Variants in EPM2A observed in about 807,000 individuals in gnomAD.
EPM2A encodes laforin.
Under a neutral mutation model 26.5 loss-of-function variants are expected in EPM2A, and 21 were observed. That is an observed-to-expected ratio of 0.79 (90% CI 0.56 to 1.14). The LOEUF (loss-of-function observed/expected upper bound fraction) is 1.14, where lower values mean the gene tolerates loss of function less well. EPM2A is among the 50% of genes most tolerant of loss of function. The probability of loss-of-function intolerance (pLI) is 0.00; values close to 1 mark genes in which losing one functional copy is unlikely to be tolerated. For missense variants in EPM2A, 458 were observed against 440.8 expected (o/e 1.04, Z -0.35); for synonymous variants, 217 against 177.6 (o/e 1.22, Z -1.76).
intron 2 of EPM2A, among the ~76,000 whole-genome samples, chr6:145,565,656 G>A (rs1562384601): frequency 6.6e-6 from 1 of 152,206 alleles, no homozygotes; most frequent in Non-Finnish European, 1.5e-5. Context: ...AAAGTCCTGA[G>A]TGAGGATGAG....
rs1309148714 is a variant in EPM2A at position 145,502,565 on chromosome 6, CCTCTT to C, written c.346_350del (p.Lys116AspfsTer3). 6.4e-6 allele frequency: 3 copies of C among 470,882 alleles called. No individual in the cohort carries two copies. The allele number at this position is 470,882 out of a possible 1,614,324, so 29.2% of individuals were successfully genotyped here. On this transcript the variant is annotated frameshift_variant, in exon 3 of 4. Transcript: ENST00000450221. LOFTEE classifies it high-confidence loss of function. ...TCCCCGAGCAGCACATGTCAGCTGTCCTCTTCTCATCTGGAAAAAGGAGGAGAGGA... is the reference window on the plus strand; with the variant it reads ...TCCCCGAGCAGCACATGTCAGCTGTCCTCATCTGGAAAAAGGAGGAGAGGA...
intron 2 of EPM2A, among the ~76,000 whole-genome samples, chr6:145,579,143 A>G (rs1415352249): frequency 7.8e-6 from 1 of 129,028 alleles, no homozygotes; most frequent in Non-Finnish European, 1.7e-5. Flanking sequence ...CTAAAACTTA[A>G]AAGTATAATA....
intron 2 of EPM2A, among the ~76,000 whole-genome samples, chr6:145,606,169 A>G (rs983631157): frequency 2.6e-5 from 4 of 152,126 alleles, no homozygotes; most frequent in Non-Finnish European, 5.9e-5. Context: ...GAAGGAAAAA[A>G]AACACAATTG....
At chr6:145,397,893 A>T (rs1304210150) in intron 4 of EPM2A, among the ~76,000 whole-genome samples, 1 of 152,176 alleles carries the variant, frequency 6.6e-6, no homozygotes, top group African/African-American at 2.4e-5. Flanking sequence ...CCAAGGAAAG[A>T]CAACCACAGT....
At chr6:145,486,396 G>A (rs1184019239) in intron 4 of EPM2A, among the ~76,000 whole-genome samples, 1 of 152,142 alleles carries the variant, frequency 6.6e-6, no homozygotes, top group Non-Finnish European at 1.5e-5. Context: ...TACTAGAGTA[G>A]ATCACATTAA....
At chr6:145,464,306 C>T (rs1237005552) in intron 4 of EPM2A, among the ~76,000 whole-genome samples, 1 of 152,148 alleles carries the variant, frequency 6.6e-6, no homozygotes, top group Non-Finnish European at 1.5e-5. Flanking sequence ...CCTCCCCAGC[C>T]ATGCAGAGCT....
chr6:145,522,109 C>T (rs530900948), intron 2 of EPM2A, among the ~76,000 whole-genome samples: 7 of 152,260 alleles, frequency 4.6e-5, no homozygotes, highest in South Asian at 2.1e-4. Flanking sequence ...CCCATCACCA[C>T]GCCCAGCCAT....
At chr6:145,525,215 T>TTTTATTTATTTA (rs71552932) in intron 2 of EPM2A, among the ~76,000 whole-genome samples, 174 of 147,076 alleles carry the variant, frequency 1.2e-3, no homozygotes, top group African/African-American at 1.8e-3. Context: ...ATGCCTTCAA[T>TTTTATTTATTTA]TTTATTTATT....
At chr6:145,478,192 A>G (rs2114731002) in intron 4 of EPM2A, among the ~76,000 whole-genome samples, 1 of 152,052 alleles carries the variant, frequency 6.6e-6, no homozygotes, top group African/African-American at 2.4e-5. Context: ...AGCCACACAT[A>G]AAATTAAATA....
chr6:145,480,839 G>A (rs1311516673), intron 4 of EPM2A, among the ~76,000 whole-genome samples: 1 of 151,996 alleles, frequency 6.6e-6, no homozygotes, highest in Non-Finnish European at 1.5e-5. Context: ...GGGTTTAAAT[G>A]TATTAGCAAT....
chr6:145,598,703 T>C (rs755505513), intron 2 of EPM2A, among the ~76,000 whole-genome samples: 4 of 152,198 alleles, frequency 2.6e-5, no homozygotes, highest in Non-Finnish European at 4.4e-5. Context: ...CAGGATGGTA[T>C]TGCCTAGGTT....
At chr6:145,680,742 T>A (rs1210129254) in intron 2 of EPM2A, among the ~76,000 whole-genome samples, 1 of 152,212 alleles carries the variant, frequency 6.6e-6, no homozygotes, top group Admixed American at 6.5e-5. Context: ...TATGGCTGCA[T>A]AGTATTCCAT....
intron 2 of EPM2A, among the ~76,000 whole-genome samples, chr6:145,527,423 A>G (rs1780291382): frequency 6.6e-6 from 1 of 152,114 alleles, no homozygotes; most frequent in African/African-American, 2.4e-5. Flanking sequence ...GGCTTTCTAC[A>G]TATTTTCATA....
chr6:145,471,422 C>A (rs1376990925), intron 4 of EPM2A, among the ~76,000 whole-genome samples: 1 of 152,128 alleles, frequency 6.6e-6, no homozygotes, highest in Non-Finnish European at 1.5e-5. Flanking sequence ...ACTATCTACA[C>A]AGGAAAAACA....
At chr6:145,651,071 A>G (rs920604182) in intron 2 of EPM2A, among the ~76,000 whole-genome samples, 3 of 152,228 alleles carry the variant, frequency 2.0e-5, no homozygotes, top group Non-Finnish European at 4.4e-5. Flanking sequence ...GATTTTATTC[A>G]ATATGAATAG....
chr6:145,517,074 T>C (rs1780138308), intron 2 of EPM2A, among the ~76,000 whole-genome samples: 1 of 152,176 alleles, frequency 6.6e-6, no homozygotes, highest in Non-Finnish European at 1.5e-5. Context: ...GAAGATATTA[T>C]GTTAAGTGAA....
intron 4 of EPM2A, among the ~76,000 whole-genome samples, chr6:145,453,333 A>G (rs1382230465): frequency 2.0e-5 from 3 of 152,202 alleles, no homozygotes; most frequent in South Asian, 2.1e-4. Context: ...AAAGATTCTC[A>G]TCATTTAAAG....
chr6:145,549,732 G>A (rs1562378574), intron 2 of EPM2A, among the ~76,000 whole-genome samples: 3 of 152,032 alleles, frequency 2.0e-5, no homozygotes, highest in East Asian at 1.9e-4. Flanking sequence ...GTGATGAGCC[G>A]ACTACCTTCC....
chr6:145,470,047 G>A (rs900548681), intron 4 of EPM2A, among the ~76,000 whole-genome samples: 3 of 152,036 alleles, frequency 2.0e-5, no homozygotes, highest in South Asian at 2.1e-4. Context: ...GGGGTAGGGG[G>A]AATGGGGATG....
Sources: allele counts gnomAD v4.1 joint callset (sites outside exome capture counted in the v4.1 genomes callset), GRCh38; gene constraint gnomAD v4.1.1; transcripts MANE v1.5; gene names NCBI Gene and HGNC (gene_info 2026-07-23, HGNC 2026-07-21).